Variants in TPRG1 observed in about 807,000 individuals in gnomAD.
The protein encoded by TPRG1 is tumor protein p63-regulated gene 1 protein.
In TPRG1, 29 loss-of-function variants were observed where a neutral mutation model predicts 29.3. That is an observed-to-expected ratio of 0.99 (90% CI 0.74 to 1.35). TPRG1 has a LOEUF of 1.35. Among genes scored for constraint, TPRG1 ranks in the 40% most tolerant of loss-of-function variants. The pLI is 0.00. For missense variants in TPRG1, 327 were observed against 335.0 expected (o/e 0.98, Z 0.19); for synonymous variants, 130 against 116.8 (o/e 1.11, Z -0.73).
chr3:189,134,190 C>T (rs918175094), intron 3 of TPRG1, among the ~76,000 whole-genome samples: 8 of 152,044 alleles, frequency 5.3e-5, no homozygotes, highest in South Asian at 4.1e-4. Context: ...TGTGTCTGAC[C>T]GTGGGTAAAT....
chr3:189,012,494 G>A (rs535642737), intron 3 of TPRG1, among the ~76,000 whole-genome samples: 1 of 152,186 alleles, frequency 6.6e-6, no homozygotes, highest in South Asian at 2.1e-4. Context: ...TGGTGGATAA[G>A]CTTTTTGATG....
chr3:189,184,816 TTTA>T (rs1730700006), intron 1 of TPRG1, among the ~76,000 whole-genome samples: 1 of 152,334 alleles, frequency 6.6e-6, no homozygotes, highest in African/African-American at 2.4e-5. Flanking sequence ...ATCATACACA[TTTA>T]TTAAGTATCT....
At chr3:189,225,510 T>C (rs1289609544) in intron 3 of TPRG1, among the ~76,000 whole-genome samples, 1 of 152,218 alleles carries the variant, frequency 6.6e-6, no homozygotes, top group African/African-American at 2.4e-5. Flanking sequence ...GTCTTCATTA[T>C]TTAGGGGCCT....
At chr3:189,223,844 G>T (rs1737291063) in intron 3 of TPRG1, among the ~76,000 whole-genome samples, 1 of 152,154 alleles carries the variant, frequency 6.6e-6, no homozygotes, top group East Asian at 1.9e-4. Context: ...TGTCATGTAA[G>T]AGTTGGCTTT....
intron 1 of TPRG1, among the ~76,000 whole-genome samples, chr3:189,112,752 A>C (rs1293715855): frequency 6.6e-6 from 1 of 152,194 alleles, no homozygotes; most frequent in African/African-American, 2.4e-5. Context: ...TTTTGGTACC[A>C]GTACCATGCT....
intron 2 of TPRG1, among the ~76,000 whole-genome samples, chr3:189,211,360 C>T (rs779476272): frequency 9.2e-5 from 14 of 151,924 alleles, no homozygotes; most frequent in Non-Finnish European, 1.6e-4. Flanking sequence ...AGTAAGCAGC[C>T]GATGCCATAA....
At chr3:189,273,937 A>G (rs1405177871) in intron 4 of TPRG1, among the ~76,000 whole-genome samples, 1 of 152,218 alleles carries the variant, frequency 6.6e-6, no homozygotes, top group Non-Finnish European at 1.5e-5. Context: ...GCCATTGACC[A>G]GGACAACAAA....
chr3:189,253,722 G>A (rs1190102176), intron 4 of TPRG1, among the ~76,000 whole-genome samples: 3 of 152,178 alleles, frequency 2.0e-5, no homozygotes, highest in Non-Finnish European at 1.5e-5. Flanking sequence ...CACCAGCAAT[G>A]TAAAAGCTTT....
At chr3:189,049,385 T>G (rs1488930036) in intron 4 of TPRG1, among the ~76,000 whole-genome samples, 1 of 151,996 alleles carries the variant, frequency 6.6e-6, no homozygotes. Context: ...TTTCCCCCAC[T>G]TTCCTGACGA....
intron 4 of TPRG1, among the ~76,000 whole-genome samples, chr3:189,248,565 G>C (rs1315867874): frequency 6.7e-6 from 1 of 150,110 alleles, no homozygotes; most frequent in African/African-American, 2.5e-5. Flanking sequence ...GGTTATTTTT[G>C]TTAGATATAT....
intron 2 of TPRG1, among the ~76,000 whole-genome samples, chr3:189,208,079 C>A (rs1176533338): frequency 1.3e-5 from 2 of 152,224 alleles, no homozygotes; most frequent in African/African-American, 4.8e-5. Context: ...CTCAAACCTA[C>A]AGCGACCAGC....
chr3:189,253,811 TA>T (rs1742647615), intron 4 of TPRG1, among the ~76,000 whole-genome samples: 1 of 151,796 alleles, frequency 6.6e-6, no homozygotes, highest in Non-Finnish European at 1.5e-5. Context: ...CATGAGATGG[TA>T]TTTCATTGTA....
chr3:189,239,379 C>T (rs1459648600), intron 4 of TPRG1, among the ~76,000 whole-genome samples: 1 of 152,164 alleles, frequency 6.6e-6, no homozygotes, highest in Non-Finnish European at 1.5e-5. Flanking sequence ...CTGGTTCCCT[C>T]CCACAACACA....
chr3:189,003,014 G>C (rs1196677419), intron 2 of TPRG1, among the ~76,000 whole-genome samples: 1 of 152,054 alleles, frequency 6.6e-6, no homozygotes, highest in Non-Finnish European at 1.5e-5. Context: ...TTTTAAAATG[G>C]CTTCCGAGTC....
intron 3 of TPRG1, among the ~76,000 whole-genome samples, chr3:189,137,666 C>A (rs1231528631): frequency 6.6e-6 from 1 of 152,174 alleles, no homozygotes; most frequent in East Asian, 1.9e-4. Context: ...AGTGGGAATG[C>A]AGTGAGCGGG....
intron 1 of TPRG1, among the ~76,000 whole-genome samples, chr3:189,192,847 C>T (rs915300434): frequency 6.6e-6 from 1 of 152,112 alleles, no homozygotes; most frequent in Non-Finnish European, 1.5e-5. Context: ...TTTCCTTGAG[C>T]ATTTCTCATA....
intron 4 of TPRG1, among the ~76,000 whole-genome samples, chr3:189,249,124 T>A (rs1338323051): frequency 6.6e-6 from 1 of 150,474 alleles, no homozygotes; most frequent in South Asian, 2.1e-4. Context: ...AATAAATGTT[T>A]TATATATATA....
At chr3:189,175,982 C>G (rs1373299743) in intron 1 of TPRG1, among the ~76,000 whole-genome samples, 1 of 152,126 alleles carries the variant, frequency 6.6e-6, no homozygotes, top group Non-Finnish European at 1.5e-5. Context: ...GATATCCTGA[C>G]CCTGGATTCC....
chr3:189,093,731 C>T (rs952397126), intron 4 of TPRG1, among the ~76,000 whole-genome samples: 46 of 152,076 alleles, frequency 3.0e-4, no homozygotes, highest in Non-Finnish European at 1.8e-4. Context: ...TCCAATATTT[C>T]GGGTTCTGGG....
Sources: allele counts gnomAD v4.1 joint callset (sites outside exome capture counted in the v4.1 genomes callset), GRCh38; gene constraint gnomAD v4.1.1; transcripts MANE v1.5; gene names NCBI Gene and HGNC (gene_info 2026-07-23, HGNC 2026-07-21).